Variants in TENM4 observed in about 807,000 individuals in gnomAD.
The protein encoded by TENM4 is teneurin-4.
A neutral mutation model predicts 243.3 loss-of-function variants in TENM4; 82 were observed. That is an observed-to-expected ratio of 0.34 (90% CI 0.28 to 0.40). The LOEUF is 0.40. Ranked by LOEUF, TENM4 falls within the 10% of genes least tolerant of loss-of-function variation. TENM4 has a pLI of 1.00. For synonymous variants in TENM4, 1,412 were observed against 1,456.3 expected (o/e 0.97, Z 0.69); for missense variants, 3,138 against 3,673.3 (o/e 0.85, Z 3.77).
At position 79,431,759 on chromosome 11, in the gene TENM4, C is replaced by A. The variant is rs1859173139; in HGVS notation, c.-321+8750G>T. Among the ~76,000 whole-genome samples, 3 of 152,122 alleles carry A rather than the reference C, an allele frequency of 2.0e-5. 1 individual carries two copies. In the South Asian group the frequency reaches 6.2e-4, roughly 32 times the overall value. On this transcript the variant is annotated intron_variant, in intron 1 of 33. Coordinates refer to ENST00000278550, the MANE Select transcript of TENM4 (RefSeq NM_001098816.3). The stretch of plus-strand genomic sequence containing the variant: ...AGTCATACATTCAGTACGTGGCATA[C>A]CCAGGAAATGAACCCAGTCCTCTAG...
At chr11:79,185,385 C>T (rs750375713) in intron 3 of TENM4, among the ~76,000 whole-genome samples, 7 of 152,082 alleles carry the variant, frequency 4.6e-5, no homozygotes, top group Non-Finnish European at 7.4e-5. Context: ...GTTTAAAATG[C>T]AAGAAAAAAA....
chr11:79,186,867 T>C (rs566303378), intron 3 of TENM4, among the ~76,000 whole-genome samples: 4 of 152,348 alleles, frequency 2.6e-5, no homozygotes, highest in Admixed American at 6.5e-5. Flanking sequence ...ACAGCTCTAA[T>C]TTACTGCATC....
chr11:78,784,253 A>T (rs1565377561), intron 16 of TENM4, among the ~76,000 whole-genome samples: 1 of 152,222 alleles, frequency 6.6e-6, no homozygotes, highest in Non-Finnish European at 1.5e-5. Flanking sequence ...AGTTCTCTGG[A>T]AACAAGGAAA....
intron 6 of TENM4, among the ~76,000 whole-genome samples, chr11:78,929,680 G>T (rs1244905911): frequency 6.6e-6 from 1 of 152,074 alleles, no homozygotes; most frequent in Non-Finnish European, 1.5e-5. Context: ...TCCTGCTGGG[G>T]CTGGGTCCAC....
chr11:78,902,262 G>T (rs1342605072), intron 7 of TENM4, among the ~76,000 whole-genome samples: 1 of 152,136 alleles, frequency 6.6e-6, no homozygotes, highest in Non-Finnish European at 1.5e-5. Context: ...CTTAATTTTT[G>T]TCTTCATAGT....
chr11:78,670,169 T>A lies in TENM4; in HGVS notation c.6176A>T (p.Gln2059Leu), dbSNP rs1271281244. 4 of 1,613,884 alleles carry A rather than the reference T, an allele frequency of 2.5e-6. No homozygotes were observed. The African/African-American group carries it at 4.0e-5, about 16-fold the overall frequency. The change falls in exon 32 of 34, where the codon CAG (glutamine) becomes CTG (leucine). Residue 2059 changes from glutamine (Q) to leucine (L), a missense_variant. Gln to Leu is a moderately radical substitution (Grantham distance 113, BLOSUM62 -2). Transcript: ENST00000278550. ...CTGTCGGTCAATCAGGGGCCCAATCTGACGGTAGCGGATGGTGCAGGTGAA... is the reference window on the plus strand; with the variant it reads ...CTGTCGGTCAATCAGGGGCCCAATCAGACGGTAGCGGATGGTGCAGGTGAA... ...EGFTCTIRYR[Q>L]IGPLIDRQIF... is the part of the protein sequence containing the mutation.
At chr11:78,933,024 G>T (rs1856704663) in intron 6 of TENM4, among the ~76,000 whole-genome samples, 1 of 152,128 alleles carries the variant, frequency 6.6e-6, no homozygotes, top group African/African-American at 2.4e-5. Flanking sequence ...GTTCCACAGG[G>T]GAGATTGATG....
At chr11:78,863,282 G>A in intron 9 of TENM4, 150 bp from the exon 10 acceptor site, 1 of 879,902 alleles carries the variant, frequency 1.1e-6, no homozygotes, top group East Asian at 2.9e-5. Context: ...TGTAGTGCCA[G>A]CCCTGCAAAG....
chr11:79,078,194 G>A (rs1482055842), intron 4 of TENM4, among the ~76,000 whole-genome samples: 2 of 152,162 alleles, frequency 1.3e-5, no homozygotes, highest in African/African-American at 4.8e-5. Context: ...AGCCAGAAAC[G>A]AGCCAGGAAA....
intron 12 of TENM4, among the ~76,000 whole-genome samples, chr11:78,844,631 ACT>A (rs1265741130): frequency 6.6e-6 from 1 of 151,026 alleles, no homozygotes; most frequent in Admixed American, 6.6e-5. Context: ...ACAGAGTGAG[ACT>A]CTGTCTAAAA....
chr11:79,286,672 A>C (rs1259856385), intron 2 of TENM4, among the ~76,000 whole-genome samples: 1 of 152,114 alleles, frequency 6.6e-6, no homozygotes, highest in Non-Finnish European at 1.5e-5. Context: ...TCCGTCTCAA[A>C]AAAAAAATTT....
At chr11:78,811,569 AACACACACACACACACAC>A (rs749041202) in intron 14 of TENM4, among the ~76,000 whole-genome samples, 3 of 65,032 alleles carry the variant, frequency 4.6e-5, no homozygotes, top group African/African-American at 1.2e-4. Flanking sequence ...CATACACATG[AACACACACACACACACAC>A]ACACACACAC....
At chr11:78,744,342 T>C (rs1043866906) in intron 19 of TENM4, among the ~76,000 whole-genome samples, 47 of 152,354 alleles carry the variant, frequency 3.1e-4, no homozygotes, top group African/African-American at 1.0e-3. Context: ...TCTGCCTATA[T>C]ACGTATTCTT....
chr11:78,899,927 C>T (rs1855891713), intron 7 of TENM4, among the ~76,000 whole-genome samples: 1 of 152,208 alleles, frequency 6.6e-6, no homozygotes, highest in African/African-American at 2.4e-5. Flanking sequence ...ATTACCCACC[C>T]TCAGGCATTC....
intron 19 of TENM4, 121 bp downstream of exon 19, chr11:78,756,684 G>T (rs1452060704): frequency 3.3e-6 from 3 of 921,386 alleles, no homozygotes; most frequent in African/African-American, 3.3e-5. Context: ...CATTCCATCA[G>T]GAACCATGGA....
At position 78,961,784 on chromosome 11, in the gene TENM4, C is replaced by CT. The variant is rs60789690; in HGVS notation, c.494-58262dup. Among the ~76,000 whole-genome samples, 310 of 145,952 alleles carry CT rather than the reference C, an allele frequency of 2.1e-3. 2 individuals carry two copies. Among genetic ancestry groups the CT allele is most frequent in the South Asian group, 5.2e-3 (24 of 4,606 alleles). On this transcript the variant is annotated intron_variant, in intron 6 of 33. Transcript: ENST00000278550. The stretch of plus-strand genomic sequence containing the variant: ...TGGTTGGTGTTGCCTATGTCTTAAC[C>CT]TTTTTTTTTTTTTTCTGTCTGTGTC...
chr11:79,340,178 A>C (rs1374853847), intron 1 of TENM4, among the ~76,000 whole-genome samples: 1 of 152,190 alleles, frequency 6.6e-6, no homozygotes, highest in Admixed American at 6.5e-5. Flanking sequence ...ATTTCAGTGG[A>C]AATGTCACTT....
chr11:79,088,787 A>G (rs1163846696), intron 4 of TENM4, among the ~76,000 whole-genome samples: 1 of 152,204 alleles, frequency 6.6e-6, no homozygotes, highest in East Asian at 1.9e-4. Flanking sequence ...CACTGAACAA[A>G]TATGTACTAG....
At chr11:79,302,385 CTCATGCT>C (rs1856563269) in intron 1 of TENM4, among the ~76,000 whole-genome samples, 1 of 152,174 alleles carries the variant, frequency 6.6e-6, no homozygotes, top group Admixed American at 6.5e-5. Flanking sequence ...AAGTCCATGT[CTCATGCT>C]TTTCTGCAGC....
Sources: allele counts gnomAD v4.1 joint callset (sites outside exome capture counted in the v4.1 genomes callset), GRCh38; gene constraint gnomAD v4.1.1; transcripts MANE v1.5; gene names NCBI Gene and HGNC (gene_info 2026-07-23, HGNC 2026-07-21).